Variants in LAYN observed in about 807,000 individuals in gnomAD.
The protein encoded by LAYN is layilin.
LAYN carries 38 observed loss-of-function variants against 43.6 expected under a neutral mutation model. The observed-to-expected ratio is 0.87, with a 90% CI of 0.67 to 1.14. The LOEUF is 1.14. Ranked by LOEUF, LAYN falls within the 50% of genes most tolerant of loss-of-function variation. The pLI is 0.00. For missense variants in LAYN, 479 were observed against 463.8 expected (o/e 1.03, Z -0.30); for synonymous variants, 168 against 172.9 (o/e 0.97, Z 0.22).
chr11:111,561,114 C>A lies in LAYN; in HGVS notation c.*656C>A, dbSNP rs1433745959. ...GTGGCTGACGCCTGTAATCCCAGAA[C>A]CTTGGGAGACCAAGATTGGAGGATA... On this transcript the variant is annotated 3_prime_UTR_variant, in exon 7 of 7. Transcript: ENST00000375614. The A allele has an allele frequency of 6.6e-6, 1 of 152,602 alleles. No homozygotes were observed. The highest frequency in any genetic ancestry group is 2.4e-5 in the African/African-American group (1 of 41,438). The allele number at this position is 152,602 out of a possible 1,614,324, so 9.5% of individuals were successfully genotyped here.
chr11:111,553,830 C>T (rs1333135282), intron 3 of LAYN, among the ~76,000 whole-genome samples: 1 of 151,726 alleles, frequency 6.6e-6, no homozygotes, highest in African/African-American at 2.4e-5. Flanking sequence ...GGCCTTAAGA[C>T]TGTGATTTTT....
At chr11:111,545,985 T>C (rs1867642347) in intron 2 of LAYN, among the ~76,000 whole-genome samples, 1 of 152,188 alleles carries the variant, frequency 6.6e-6, no homozygotes, top group Non-Finnish European at 1.5e-5. Flanking sequence ...CATTCGGCAG[T>C]AGCAATAGCT....
At chr11:111,555,064 A>ACC in intron 4 of LAYN, 143 bp from the exon 5 acceptor site, 1 of 626,766 alleles carries the variant, frequency 1.6e-6, no homozygotes, top group Non-Finnish European at 2.9e-6. Flanking sequence ...AGCAAATTCA[A>ACC]CCCTTTACTT....
At position 111,541,559 on chromosome 11, in the gene LAYN, C is replaced by T. The variant is rs189473926; in HGVS notation, c.85+631C>T. On this transcript the variant is annotated intron_variant, in intron 1 of 6. Coordinates refer to ENST00000375614, the MANE Select transcript of LAYN (RefSeq NM_178834.5). ...CTTCCTTCCTCCTGTTGTGTCACTG[C>T]AGCCTCGGATTTGGACCTCAGAGGA... 9,648 of 1,536,190 alleles carry T rather than the reference C, an allele frequency of 6.3e-3. 43 individuals are homozygous for T. The highest frequency in any genetic ancestry group is 7.5e-3 in the Non-Finnish European group (8,546 of 1,146,702).
In LAYN at chr11:111,560,561, A is replaced by C; in HGVS notation, c.*103A>C. On this transcript the variant is annotated 3_prime_UTR_variant, in exon 7 of 7. Coordinates refer to ENST00000375614, the MANE Select transcript of LAYN (RefSeq NM_178834.5). ...ACACAGAAGGTCTATGAACAAGCTT[A>C]GATCAGGTCCTGTGGATGAGCATGT... The C allele has an allele frequency of 3.1e-6, 4 of 1,304,386 alleles. No homozygotes were observed. Among genetic ancestry groups the C allele is most frequent in the Non-Finnish European group, 4.2e-6 (4 of 959,876 alleles). The allele number at this position is 1,304,386 out of a possible 1,614,324, so 80.8% of individuals were successfully genotyped here. A position where few individuals can be genotyped will look rare whatever the true frequency, so the allele number is the denominator to read the frequency against.
At chr11:111,545,226 G>T (rs1351233795) in intron 2 of LAYN, among the ~76,000 whole-genome samples, 1 of 152,022 alleles carries the variant, frequency 6.6e-6, no homozygotes, top group Non-Finnish European at 1.5e-5. Flanking sequence ...TAGAAAGGAG[G>T]GTTAGTAGGA....
At chr11:111,548,401 A>G (rs556436272) in intron 2 of LAYN, among the ~76,000 whole-genome samples, 2 of 152,216 alleles carry the variant, frequency 1.3e-5, no homozygotes, top group Admixed American at 1.3e-4. Flanking sequence ...ATAATATTCA[A>G]CCTATAAGAC....
chr11:111,545,504 A>G (rs183734818), intron 2 of LAYN, among the ~76,000 whole-genome samples: 23 of 152,324 alleles, frequency 1.5e-4, no homozygotes, highest in African/African-American at 5.3e-4. Flanking sequence ...CTCCTTGCCC[A>G]TAATACATAA....
intron 6 of LAYN, among the ~76,000 whole-genome samples, chr11:111,558,777 T>A (rs959468260): frequency 1.3e-4 from 19 of 142,578 alleles, no homozygotes; most frequent in East Asian, 8.0e-4. Flanking sequence ...TTATTTTATT[T>A]AAAAAAATAT....
chr11:111,558,244 C>G (rs1867879606), intron 6 of LAYN, among the ~76,000 whole-genome samples: 1 of 152,094 alleles, frequency 6.6e-6, no homozygotes, highest in Non-Finnish European at 1.5e-5. Context: ...AAGCTCTTCT[C>G]AGTTACCTTT....
intron 1 of LAYN, among the ~76,000 whole-genome samples, 162 bp downstream of exon 1, chr11:111,541,090 C>A (rs1867528057): frequency 1.3e-5 from 2 of 152,262 alleles, no homozygotes; most frequent in African/African-American, 4.8e-5. Flanking sequence ...TGGGGGCAGT[C>A]GCACGGCGTC....
chr11:111,540,797 C>G lies in LAYN; in HGVS notation c.-47C>G. On this transcript the variant is annotated 5_prime_UTR_variant, in exon 1 of 7. Transcript: ENST00000375614. Reference sequence around the variant, plus strand: ...GCACGCCTCTGCCCGCCAGCCCGCTCCACCGCCGTAGCGCCCGAGTGTCGG... The same window carrying G: ...GCACGCCTCTGCCCGCCAGCCCGCTGCACCGCCGTAGCGCCCGAGTGTCGG... The G allele has an allele frequency of 6.7e-7, 1 of 1,501,648 alleles. No individual in the cohort carries two copies. The highest frequency in any genetic ancestry group is 1.4e-5 in the African/African-American group (1 of 69,316). 93.0% of individuals were successfully genotyped at this position (1,501,648 alleles called of 1,614,324 possible).
chr11:111,555,410 G>T, intron 5 of LAYN, 120 bp downstream of exon 5: 1 of 675,536 alleles, frequency 1.5e-6, no homozygotes, highest in African/African-American at 1.8e-5. Context: ...AACTAGACAG[G>T]GCATGTGTGG....
intron 3 of LAYN, among the ~76,000 whole-genome samples, chr11:111,551,164 G>A (rs138666806): frequency 1.1e-3 from 163 of 152,278 alleles, no homozygotes; most frequent in Non-Finnish European, 1.8e-3. Context: ...AGCAGAACCC[G>A]GGAAAAGCTT....
At position 111,560,908 on chromosome 11, in the gene LAYN, T is replaced by G. The variant is rs142705857; in HGVS notation, c.*450T>G. 893 of 137,974 alleles carry G rather than the reference T, an allele frequency of 6.5e-3. 12 individuals carry two copies. Among genetic ancestry groups the G allele is most frequent in the African/African-American group, 0.023 (853 of 36,914 alleles). 8.5% of individuals were successfully genotyped at this position (137,974 alleles called of 1,614,324 possible). A position where few individuals can be genotyped will look rare whatever the true frequency, so the allele number is the denominator to read the frequency against. ...CACAGGCTGGCCTGTGCATCGGCAA[T>G]TCTCATATCTGTTTTTTTCAAAGAA... On this transcript the variant is annotated 3_prime_UTR_variant, in exon 7 of 7. Transcript: ENST00000375614.
At chr11:111,558,731 A>G (rs1867887194) in intron 6 of LAYN, among the ~76,000 whole-genome samples, 1 of 150,748 alleles carries the variant, frequency 6.6e-6, no homozygotes, top group Admixed American at 6.6e-5. Context: ...GGTGAGGCCT[A>G]TGGACTCCTT....
Position 111,557,548 on chromosome 11 carries a change from C to T in LAYN, c.666C>T (p.Ala222=). 1 of 1,613,664 alleles carries T rather than the reference C, an allele frequency of 6.2e-7. No homozygotes were observed. The highest frequency in any genetic ancestry group is 8.5e-7 in the Non-Finnish European group (1 of 1,179,586). ...TGCTTTCTTTCTTTTCAGAAGCTGC[C>T]TTGAATCTGGCCTACATCCTAATCC... is the stretch of plus-strand genomic sequence containing the variant. The part of the protein sequence containing the change: ...KKTFKESREA[A]LNLAYILIPS... The change falls in exon 6 of 7, where the codon GCC becomes GCT. Residue 222 remains alanine (A), a synonymous_variant. Transcript: ENST00000375614.
At chr11:111,555,125 C>A in intron 4 of LAYN, 82 bp from the exon 5 acceptor site, 1 of 1,029,932 alleles carries the variant, frequency 9.7e-7, no homozygotes, top group South Asian at 1.5e-5. Flanking sequence ...TTTTTGCATC[C>A]CAATTTGAAC....
At chr11:111,549,576 A>T in intron 2 of LAYN, 42 bp from the exon 3 acceptor site, 1 of 1,469,370 alleles carries the variant, frequency 6.8e-7, no homozygotes, top group Non-Finnish European at 9.0e-7. Context: ...GTCTCAGGGG[A>T]TCCTTCTCCA....
Sources: gnomAD v4.1 joint callset for allele counts (sites outside exome capture counted in the v4.1 genomes callset) on GRCh38, gnomAD v4.1.1 for gene constraint, MANE v1.5 for transcripts, NCBI Gene and HGNC (gene_info 2026-07-23, HGNC 2026-07-21) for gene names.